Variants in TBC1D19 observed in about 807,000 individuals in gnomAD.
TBC1D19 encodes TBC1 domain family member 19, also known as TBC1 domain family, member 19.
TBC1D19 carries 60 observed loss-of-function variants against 89.0 expected under a neutral mutation model. The observed-to-expected ratio is 0.67, with a 90% CI of 0.55 to 0.84. The LOEUF (loss-of-function observed/expected upper bound fraction) is 0.84, where lower values mean the gene tolerates loss of function less well. TBC1D19 is among the 40% of genes least tolerant of loss of function. The pLI is 0.00. For missense variants in TBC1D19, 500 were observed against 610.8 expected (o/e 0.82, Z 1.91); for synonymous variants, 189 against 199.7 (o/e 0.95, Z 0.45).
At chr4:26,604,012 C>G (rs746647308) in intron 1 of TBC1D19, among the ~76,000 whole-genome samples, 2 of 152,114 alleles carry the variant, frequency 1.3e-5, no homozygotes, top group Non-Finnish European at 2.9e-5. Flanking sequence ...TGGTCTGTCT[C>G]TATGAATTTA....
chr4:26,696,236 C>T (rs1490847129), intron 13 of TBC1D19, among the ~76,000 whole-genome samples: 10 of 152,042 alleles, frequency 6.6e-5, no homozygotes, highest in Admixed American at 2.0e-4. Context: ...AGACTTTAAA[C>T]GAACAAAGAT....
intron 13 of TBC1D19, among the ~76,000 whole-genome samples, chr4:26,708,814 G>T (rs1715935879): frequency 6.6e-6 from 1 of 151,556 alleles, no homozygotes; most frequent in African/African-American, 2.4e-5. Context: ...TTTCCTTTTG[G>T]TTTCTTTTTT....
intron 15 of TBC1D19, among the ~76,000 whole-genome samples, chr4:26,728,640 T>A (rs903658832): frequency 6.6e-6 from 1 of 152,204 alleles, no homozygotes; most frequent in African/African-American, 2.4e-5. Flanking sequence ...GGCTATAGTG[T>A]CATTGGGAAT....
intron 1 of TBC1D19, among the ~76,000 whole-genome samples, chr4:26,598,584 C>T (rs1351427319): frequency 1.3e-5 from 2 of 152,044 alleles, no homozygotes; most frequent in Non-Finnish European, 2.9e-5. Flanking sequence ...TTAGTAGAGA[C>T]GGGGTTTCAC....
At chr4:26,578,264 G>C (rs1739011297) in intron 1 of TBC1D19, among the ~76,000 whole-genome samples, 1 of 152,196 alleles carries the variant, frequency 6.6e-6, no homozygotes, top group Admixed American at 6.5e-5. Flanking sequence ...CTGGGCCTCT[G>C]ACATTTCCAG....
At chr4:26,624,345 A>G (rs1742251301) in intron 4 of TBC1D19, among the ~76,000 whole-genome samples, 1 of 151,752 alleles carries the variant, frequency 6.6e-6, no homozygotes, top group Non-Finnish European at 1.5e-5. Context: ...GGCCCTTAGC[A>G]CAAATTGCAA....
At chr4:26,630,539 A>G (rs145784027) in intron 4 of TBC1D19, among the ~76,000 whole-genome samples, 1 of 151,934 alleles carries the variant, frequency 6.6e-6, no homozygotes, top group African/African-American at 2.4e-5. Flanking sequence ...GGGCCTAATT[A>G]TCCACCTCCA....
chr4:26,771,093 A>C, the TBC1D19 span, among the ~76,000 whole-genome samples: 5 of 152,094 alleles, frequency 3.3e-5, no homozygotes, highest in African/African-American at 1.2e-4. Context: ...ATATGAAAAG[A>C]CACTCAATAT....
At chr4:26,775,961 C>A in the TBC1D19 span, among the ~76,000 whole-genome samples, 1 of 152,094 alleles carries the variant, frequency 6.6e-6, no homozygotes, top group African/African-American at 2.4e-5. Flanking sequence ...GGTTTCCCAT[C>A]TTCAGTCAGT....
the TBC1D19 span, among the ~76,000 whole-genome samples, chr4:26,810,035 A>G: frequency 0.84 from 128,238 of 152,188 alleles, 54,449 homozygotes; most frequent in African/African-American, 0.95. Context: ...CCAGCTGGCA[A>G]CTCCTTCTTG....
intron 7 of TBC1D19, among the ~76,000 whole-genome samples, chr4:26,655,451 C>T (rs963169507): frequency 3.9e-5 from 6 of 152,212 alleles, no homozygotes; most frequent in African/African-American, 7.2e-5. Context: ...TTTTGTTTGG[C>T]GATGCCCTGC....
rs186930389 is a variant in TBC1D19, at chr4:26,745,119, A to G, written c.1319+2520A>G. Among the ~76,000 whole-genome samples, 8 of 152,114 alleles carry G rather than the reference A, an allele frequency of 5.3e-5. No individual in the cohort carries two copies. The East Asian group carries it at 1.5e-3, about 29-fold the overall frequency. ...CCTAGTAATAAATCTACTATGTCTGATATTAATATAGCCATTCCAGCTTTC... is the reference window on the plus strand; with the variant it reads ...CCTAGTAATAAATCTACTATGTCTGGTATTAATATAGCCATTCCAGCTTTC... On this transcript the variant is annotated intron_variant, in intron 18 of 20. Coordinates refer to ENST00000264866, the MANE Select transcript of TBC1D19 (RefSeq NM_018317.4).
chr4:26,830,418 A>G, the TBC1D19 span, among the ~76,000 whole-genome samples: 6 of 152,098 alleles, frequency 3.9e-5, no homozygotes, highest in South Asian at 1.2e-3. Context: ...GTGTCATTGC[A>G]CACTACTAGT....
intron 1 of TBC1D19, among the ~76,000 whole-genome samples, chr4:26,612,086 T>C (rs755514849): frequency 1.3e-5 from 2 of 152,004 alleles, no homozygotes; most frequent in Non-Finnish European, 2.9e-5. Flanking sequence ...TTTCTTCTGC[T>C]TCTTCCTGTA....
At chr4:26,655,427 A>C (rs1285087860) in intron 7 of TBC1D19, among the ~76,000 whole-genome samples, 1 of 152,188 alleles carries the variant, frequency 6.6e-6, no homozygotes, top group Non-Finnish European at 1.5e-5. Context: ...AAGTCTGCAG[A>C]GGTTTCTGCT....
the TBC1D19 span, among the ~76,000 whole-genome samples, chr4:26,771,530 C>A: frequency 6.6e-6 from 1 of 152,110 alleles, no homozygotes; most frequent in Non-Finnish European, 1.5e-5. Flanking sequence ...CATGAGAAAA[C>A]CTTGATGACA....
At chr4:26,601,425 C>G (rs573886812) in intron 1 of TBC1D19, among the ~76,000 whole-genome samples, 1 of 152,102 alleles carries the variant, frequency 6.6e-6, no homozygotes, top group East Asian at 1.9e-4. Context: ...TCCTATGTGC[C>G]AGTTACTGAG....
the TBC1D19 span, among the ~76,000 whole-genome samples, chr4:26,785,721 G>A: frequency 1.3e-5 from 2 of 152,168 alleles, no homozygotes; most frequent in Admixed American, 1.3e-4. Flanking sequence ...AGAGATGACT[G>A]TAAATACAAC....
chr4:26,800,474 A>G, the TBC1D19 span, among the ~76,000 whole-genome samples: 4 of 152,308 alleles, frequency 2.6e-5, no homozygotes, highest in African/African-American at 7.2e-5. Flanking sequence ...ATACGTGTGC[A>G]TGTGTCTTTA....
Sources: gnomAD v4.1 joint callset for allele counts (sites outside exome capture counted in the v4.1 genomes callset) on GRCh38, gnomAD v4.1.1 for gene constraint, MANE v1.5 for transcripts, NCBI Gene and HGNC (gene_info 2026-07-23, HGNC 2026-07-21) for gene names.